Variants in EXD3 observed in about 807,000 individuals in gnomAD.
EXD3 encodes the protein exonuclease 3'-5' domain containing 3, also known as exonuclease mut-7 homolog.
In EXD3, 92 loss-of-function variants were observed where a neutral mutation model predicts 98.0. That is an observed-to-expected ratio of 0.94 (90% CI 0.79 to 1.12). EXD3 has a LOEUF of 1.12. EXD3 is among the 50% of genes most tolerant of loss of function. The pLI is 0.00. For missense variants in EXD3, 1,222 were observed against 1,191.6 expected (o/e 1.03, Z -0.38); for synonymous variants, 569 against 526.0 (o/e 1.08, Z -1.12).
chr9:137,354,482 A>G (rs1834503593), intron 9 of EXD3, 105 bp from the exon 10 acceptor site: 1 of 1,566,824 alleles, frequency 6.4e-7, no homozygotes, highest in Non-Finnish European at 8.6e-7. Context: ...TCCTTGGCAG[A>G]GCCCAGGTGC....
chr9:137,375,466 A>G (rs566237601), intron 3 of EXD3, among the ~76,000 whole-genome samples: 6 of 148,430 alleles, frequency 4.0e-5, no homozygotes, highest in East Asian at 2.0e-4. Flanking sequence ...GCGAGTTCTA[A>G]CTCTAGCGAG....
intron 5 of EXD3, among the ~76,000 whole-genome samples, chr9:137,368,216 G>C (rs992825783): frequency 6.6e-6 from 1 of 152,262 alleles, no homozygotes; most frequent in Non-Finnish European, 1.5e-5. Flanking sequence ...TGGGAGGCCT[G>C]GGCTTGGCCT....
At chr9:137,411,460 G>A (rs4072322) in intron 1 of EXD3, among the ~76,000 whole-genome samples, 2,759 of 151,936 alleles carry the variant, frequency 0.018, 74 homozygotes, top group African/African-American at 0.062. Flanking sequence ...GGACCGGCGG[G>A]ACCAACAGGA....
chr9:137,354,735 C>T lies in EXD3; in HGVS notation c.796G>A (p.Ala266Thr). Reference sequence around the variant, plus strand: ...CGCTTGTGGCACAGGTGCCGCAGGGCCGCCAGGCGCTGCTGAATGGCCGCG... The same window carrying T: ...CGCTTGTGGCACAGGTGCCGCAGGGTCGCCAGGCGCTGCTGAATGGCCGCG... ...PNAAIQQRLA[A>T]LRHLCHKRFV... Residue 266 changes from alanine to threonine, a missense_variant, in exon 9 of 22, where the codon GCC (alanine) becomes ACC (threonine). Coordinates refer to ENST00000340951, the MANE Select transcript of EXD3 (RefSeq NM_017820.5). 1 of 1,610,860 alleles carries T rather than the reference C, an allele frequency of 6.2e-7. No homozygotes were observed.
At chr9:137,358,877 G>C (rs2119270933) in intron 7 of EXD3, among the ~76,000 whole-genome samples, 1 of 151,594 alleles carries the variant, frequency 6.6e-6, no homozygotes, top group African/African-American at 2.4e-5. Context: ...GTAGAGACGG[G>C]GTTTTGTCAC....
At chr9:137,338,939 G>A (rs1833512939) in intron 17 of EXD3, among the ~76,000 whole-genome samples, 1 of 150,420 alleles carries the variant, frequency 6.6e-6, no homozygotes, top group Non-Finnish European at 1.5e-5. Flanking sequence ...CTCTGCGAGA[G>A]CATGAGAAGA....
intron 17 of EXD3, chr9:137,346,073 A>C (rs1378238245): frequency 6.6e-6 from 1 of 151,600 alleles, no homozygotes; most frequent in East Asian, 1.9e-4. Context: ...AGCCGTCTGT[A>C]CTAAAAATAC....
At chr9:137,391,651 C>T (rs957962242) in intron 2 of EXD3, among the ~76,000 whole-genome samples, 17 of 151,758 alleles carry the variant, frequency 1.1e-4, no homozygotes, top group Non-Finnish European at 1.8e-4. Context: ...CGCCCCGCCC[C>T]GCCTCGCCGA....
At chr9:137,328,971 A>ACTACACGGG (rs1832721784) in intron 17 of EXD3, among the ~76,000 whole-genome samples, 1 of 498 alleles carries the variant, frequency 2.0e-3, no homozygotes, top group Non-Finnish European at 4.1e-3. Flanking sequence ...GCTACACGGG[A>ACTACACGGG]GCTACACGGG....
At chr9:137,334,728 A>T (rs1245050040) in intron 17 of EXD3, among the ~76,000 whole-genome samples, 4 of 152,314 alleles carry the variant, frequency 2.6e-5, no homozygotes, top group Non-Finnish European at 5.9e-5. Context: ...AAAATAAATA[A>T]ATGTGACCTA....
At chr9:137,411,015 A>C (rs1209072027) in intron 1 of EXD3, among the ~76,000 whole-genome samples, 1 of 152,190 alleles carries the variant, frequency 6.6e-6, no homozygotes, top group East Asian at 1.9e-4. Context: ...GCCTCAGTGC[A>C]GATTTCGGTC....
Position 137,396,501 on chromosome 9 carries a change from G to A in EXD3, c.-47-1097C>T, listed in dbSNP as rs536486889. Among the ~76,000 whole-genome samples, 582 of 152,280 alleles carry A rather than the reference G, an allele frequency of 3.8e-3. 3 individuals are homozygous for A. The highest frequency in any genetic ancestry group is 0.013 in the African/African-American group (557 of 41,568). On this transcript the variant is annotated intron_variant, in intron 1 of 21. Transcript: ENST00000340951. ...GGCAGCCCTCACGGTGGCCATTCCC[G>A]GGGAGACGGACCTGTGTGTGTTTCT...
chr9:137,348,935 C>T (rs1008343779), intron 16 of EXD3, among the ~76,000 whole-genome samples, 175 bp downstream of exon 16: 5 of 152,000 alleles, frequency 3.3e-5, no homozygotes, highest in South Asian at 2.1e-4. Context: ...GCGCAGCCCC[C>T]GTGACAGTCA....
Position 137,375,296 on chromosome 9 carries a change from C to T in EXD3, c.121-1697G>A, listed in dbSNP as rs145768234. Among the ~76,000 whole-genome samples the T allele has an allele frequency of 3.0e-3, 452 of 152,210 alleles. 5 individuals carry two copies. The highest frequency in any genetic ancestry group is 0.028 in the East Asian group (145 of 5,152). On this transcript the variant is annotated intron_variant, in intron 3 of 21. Coordinates refer to ENST00000340951, the MANE Select transcript of EXD3 (RefSeq NM_017820.5). ...TGCTGGGATTACAGGCGTGAGCCAC[C>T]GCGCCCGGCCCTAACCCTAGTTTTA...
chr9:137,356,060 C>T (rs983683272), intron 8 of EXD3, among the ~76,000 whole-genome samples: 2 of 152,184 alleles, frequency 1.3e-5, no homozygotes, highest in South Asian at 2.1e-4. Context: ...CTCATAGACC[C>T]GTTGGCTGCT....
In EXD3 at chr9:137,360,780, T is replaced by C. The variant is rs533377626; in HGVS notation, c.657-4412A>G. 2.3e-5 allele frequency among the ~76,000 whole-genome samples: 2 copies of C among 86,642 alleles called. 1 individual carries two copies. The highest frequency in any genetic ancestry group is 6.4e-5 in the African/African-American group (2 of 31,344). 56.8% of individuals were successfully genotyped at this position (86,642 alleles called of 152,430 possible). On this transcript the variant is annotated intron_variant, in intron 7 of 21. Transcript: ENST00000340951. ...CCAGCCTTTATTCTTAGTGATTTTA[T>C]ATCCTATTTGAGAAAGCTTTATTGC...
intron 3 of EXD3, among the ~76,000 whole-genome samples, chr9:137,377,733 A>AAGGG (rs754250642): frequency 1.3e-5 from 2 of 151,016 alleles, no homozygotes; most frequent in Non-Finnish European, 3.0e-5. Context: ...AAAAGAAAGG[A>AAGGG]AGGGAGGGAG....
At chr9:137,362,080 C>T (rs533271085) in intron 7 of EXD3, among the ~76,000 whole-genome samples, 12 of 152,196 alleles carry the variant, frequency 7.9e-5, no homozygotes, top group South Asian at 6.2e-4. Context: ...AAATGGTTTT[C>T]GGTTAGAGGT....
At chr9:137,329,064 GCTACACGGGA>G (rs1405206307) in intron 17 of EXD3, among the ~76,000 whole-genome samples, 7 of 8,976 alleles carry the variant, frequency 7.8e-4, no homozygotes, top group Non-Finnish European at 1.1e-3. Flanking sequence ...CTACACGGGA[GCTACACGGGA>G]CTACACGGGG....
Sources: gnomAD v4.1 joint callset for allele counts (sites outside exome capture counted in the v4.1 genomes callset) on GRCh38, gnomAD v4.1.1 for gene constraint, MANE v1.5 for transcripts, NCBI Gene and HGNC (gene_info 2026-07-23, HGNC 2026-07-21) for gene names.